Variants in IFT140 observed in about 807,000 individuals in gnomAD.
IFT140 encodes the protein intraflagellar transport protein 140 homolog.
In IFT140, 133 loss-of-function variants were observed where a neutral mutation model predicts 164.6. That is an observed-to-expected ratio of 0.81 (90% CI 0.70 to 0.93). The LOEUF is 0.93. Among genes scored for constraint, IFT140 ranks in the 40% least tolerant of loss-of-function variants. The probability of loss-of-function intolerance (pLI) is 0.00; values close to 1 mark genes in which losing one functional copy is unlikely to be tolerated. For synonymous variants in IFT140, 860 were observed against 817.3 expected (o/e 1.05, Z -0.89); for missense variants, 2,045 against 1,972.3 (o/e 1.04, Z -0.70).
intron 19 of IFT140, among the ~76,000 whole-genome samples, chr16:1,527,375 G>A (rs1361829952): frequency 1.3e-5 from 2 of 152,172 alleles, no homozygotes; most frequent in Non-Finnish European, 2.9e-5. Context: ...AGCCCTGGAG[G>A]TCTGCCGAGC....
At chr16:1,513,890 G>GAAT (rs2040260808) in intron 30 of IFT140, among the ~76,000 whole-genome samples, 2 of 142,970 alleles carry the variant, frequency 1.4e-5, no homozygotes, top group Non-Finnish European at 3.0e-5. Context: ...AGCCAAGATG[G>GAAT]TCTCCATCTC....
At chr16:1,537,104 C>A (rs892038764) in intron 19 of IFT140, among the ~76,000 whole-genome samples, 3 of 152,246 alleles carry the variant, frequency 2.0e-5, no homozygotes, top group African/African-American at 7.2e-5. Flanking sequence ...TGATGGGCTG[C>A]GACCGTCTGT....
intron 10 of IFT140, among the ~76,000 whole-genome samples, chr16:1,584,957 C>T (rs2034790236): frequency 6.6e-6 from 1 of 152,150 alleles, no homozygotes; most frequent in Non-Finnish European, 1.5e-5. Flanking sequence ...AGATGTTGGA[C>T]TTAGCAAAGA....
rs1334979655 is a variant in IFT140 at position 1,551,744 on chromosome 16, A to G, written c.2399+6191T>C. On this transcript the variant is annotated intron_variant, in intron 19 of 30. Transcript: ENST00000426508. This position sits in a 1 kb window ranked among gnomAD's most constrained non-coding sequence, Gnocchi z 4.0. The stretch of plus-strand genomic sequence containing the variant: ...CGGGGTTTTGTTGGGAGCTACCTAT[A>G]CAAAGGAGGCCACACCACACGTGCG... Among the ~76,000 whole-genome samples the G allele has an allele frequency of 2.0e-5, 3 of 152,136 alleles. No homozygotes were observed. Among genetic ancestry groups the G allele is most frequent in the African/African-American group, 7.2e-5 (3 of 41,408 alleles).
At chr16:1,545,589 G>A (rs2032102612) in intron 19 of IFT140, among the ~76,000 whole-genome samples, 1 of 152,228 alleles carries the variant, frequency 6.6e-6, no homozygotes, top group Non-Finnish European at 1.5e-5. Flanking sequence ...CCTGTCACAG[G>A]ACAAGGAAAC....
At chr16:1,600,654 A>G (rs1298100079) in intron 4 of IFT140, among the ~76,000 whole-genome samples, 1 of 152,198 alleles carries the variant, frequency 6.6e-6, no homozygotes, top group African/African-American at 2.4e-5. Context: ...GTTTACCCAT[A>G]TGGAAGAATC....
Position 1,580,868 on chromosome 16 carries a change from C to A in IFT140, c.1433-18G>T, listed in dbSNP as rs2034522301. 3 of 1,570,630 alleles carry A rather than the reference C, an allele frequency of 1.9e-6. No individual in the cohort carries two copies. The highest frequency in any genetic ancestry group is 2.6e-6 in the Non-Finnish European group (3 of 1,141,072). On this transcript the variant is annotated intron_variant, in intron 12 of 30. Coordinates refer to ENST00000426508, the MANE Select transcript of IFT140 (RefSeq NM_014714.4). ...GAAGGTCCCTAAAATGAAAGACGAACATCAGGATGGCGGCCGCTCATCCGC... is the reference window on the plus strand; with the variant it reads ...GAAGGTCCCTAAAATGAAAGACGAAAATCAGGATGGCGGCCGCTCATCCGC...
rs764564061 is a variant in IFT140, at chr16:1,602,365, C to T, written c.369+5G>A. On this transcript the variant is annotated splice_donor_5th_base_variant and intron_variant, in intron 4 of 30. Transcript: ENST00000426508. ...GAAAACAGCGTCTTGCGCGTGTTGA[C>T]TCACCCTGTCCCCAGACAGCAGGCA... is the stretch of plus-strand genomic sequence containing the variant. The T allele has an allele frequency of 6.2e-7, 1 of 1,613,598 alleles. No individual in the cohort carries two copies. Among genetic ancestry groups the T allele is most frequent in the Non-Finnish European group, 8.5e-7 (1 of 1,179,518 alleles).
chr16:1,552,648 C>CTT lies in IFT140; in HGVS notation c.2399+5285_2399+5286dup, dbSNP rs11409894. 3.9e-3 allele frequency among the ~76,000 whole-genome samples: 492 copies of CTT among 127,554 alleles called. 4 individuals carry two copies. Among genetic ancestry groups the CTT allele is most frequent in the African/African-American group, 9.1e-3 (303 of 33,294 alleles). The allele number at this position is 127,554 out of a possible 152,430, so 83.7% of individuals were successfully genotyped here. ...GTTAGTATTCATTACAAAGAGAATG[C>CTT]TTTTTTTTTTTTTTTTTTGAAATGG... On this transcript the variant is annotated intron_variant, in intron 19 of 30. Coordinates refer to ENST00000426508, the MANE Select transcript of IFT140 (RefSeq NM_014714.4).
chr16:1,587,360 T>A, intron 8 of IFT140, 56 bp from the exon 9 acceptor site: 1 of 1,123,718 alleles, frequency 8.9e-7, no homozygotes, highest in Non-Finnish European at 1.4e-6. Context: ...CGTTTCCCTC[T>A]GAGGGGTTTT....
At chr16:1,520,837 T>G in intron 26 of IFT140, 29 bp from the exon 27 acceptor site, 1 of 1,586,608 alleles carries the variant, frequency 6.3e-7, no homozygotes, top group East Asian at 2.2e-5. Context: ...GGGACGGGGC[T>G]GCCGAGGGGG....
chr16:1,573,088 T>C (rs1248140110), intron 13 of IFT140, among the ~76,000 whole-genome samples: 1 of 152,090 alleles, frequency 6.6e-6, no homozygotes, highest in Non-Finnish European at 1.5e-5. Context: ...GCCTGCACAG[T>C]GTGTTTAGGA....
intron 19 of IFT140, among the ~76,000 whole-genome samples, chr16:1,538,165 C>T (rs115451865): frequency 0.029 from 4,400 of 152,272 alleles, 212 homozygotes; most frequent in African/African-American, 0.1. Context: ...AGGAGTGCCT[C>T]CTTCCTGGCA....
chr16:1,516,139 CAAAAAAAAAAAAAAAAAAAAAAAAAA>C (rs869165237), intron 30 of IFT140, among the ~76,000 whole-genome samples: 1 of 45,988 alleles, frequency 2.2e-5, no homozygotes, highest in Non-Finnish European at 4.5e-5. Flanking sequence ...AACTCTGTCT[CAAAAAAAAAAAAAAAAAAAAAAAAAA>C]AAAAAAAAAA....
chr16:1,529,001 C>A (rs2030143398), intron 19 of IFT140, among the ~76,000 whole-genome samples: 1 of 152,188 alleles, frequency 6.6e-6, no homozygotes, highest in Non-Finnish European at 1.5e-5. Context: ...TAGCCCCGGG[C>A]AGGCTCGGTG....
At chr16:1,537,431 C>T (rs181360564) in intron 19 of IFT140, among the ~76,000 whole-genome samples, 11 of 152,370 alleles carry the variant, frequency 7.2e-5, no homozygotes, top group African/African-American at 9.6e-5. Context: ...ACAGGGGACG[C>T]GCCCCGGACA....
chr16:1,523,399 C>G, intron 26 of IFT140, 119 bp downstream of exon 26: 1 of 1,105,416 alleles, frequency 9.0e-7, no homozygotes, highest in South Asian at 1.5e-5. Context: ...GGGCACCCAC[C>G]GCAGCCTTCC....
At chr16:1,566,361 G>A (rs1411745818) in intron 15 of IFT140, 70 bp from the exon 16 acceptor site, 2 of 1,496,856 alleles carry the variant, frequency 1.3e-6, no homozygotes, top group Non-Finnish European at 1.8e-6. Context: ...CTGTGCTAGG[G>A]GACTGACACA....
intron 6 of IFT140, among the ~76,000 whole-genome samples, chr16:1,591,135 G>A (rs549104927): frequency 2.0e-5 from 3 of 152,260 alleles, no homozygotes; most frequent in African/African-American, 4.8e-5. Flanking sequence ...CCGGACAACC[G>A]GCAGGAATTC....
Sources: allele counts gnomAD v4.1 joint callset (sites outside exome capture counted in the v4.1 genomes callset), GRCh38; gene constraint gnomAD v4.1.1; non-coding constraint Gnocchi (gnomAD v3.1); transcripts MANE v1.5; gene names NCBI Gene and HGNC (gene_info 2026-07-23, HGNC 2026-07-21).